Variants in SLC4A4 observed in about 807,000 individuals in gnomAD.
The protein encoded by SLC4A4 is electrogenic sodium bicarbonate cotransporter 1.
Under a neutral mutation model 111.5 loss-of-function variants are expected in SLC4A4, and 27 were observed. That is an observed-to-expected ratio of 0.24 (90% confidence interval 0.18 to 0.33). SLC4A4 has a LOEUF of 0.33. Ranked by LOEUF, SLC4A4 falls within the 10% of genes least tolerant of loss-of-function variation. The pLI, the probability that SLC4A4 is intolerant of heterozygous loss-of-function variation, is 1.00. For synonymous variants in SLC4A4, 443 were observed against 463.4 expected (o/e 0.96, Z 0.57); for missense variants, 909 against 1,315.5 (o/e 0.69, Z 4.78).
At chr4:71,363,056 A>G (rs1730939337) in intron 6 of SLC4A4, among the ~76,000 whole-genome samples, 1 of 152,130 alleles carries the variant, frequency 6.6e-6, no homozygotes, top group Admixed American at 6.5e-5. Context: ...TCCTCTGTTT[A>G]AGGTTATCTG....
chr4:71,201,005 G>C (rs1446029148), intron 1 of SLC4A4, among the ~76,000 whole-genome samples: 1 of 152,172 alleles, frequency 6.6e-6, no homozygotes, highest in East Asian at 1.9e-4. Context: ...TGACTGTCAG[G>C]GTTTCCCTGT....
At chr4:71,268,648 AT>A (rs1323205000) in intron 3 of SLC4A4, among the ~76,000 whole-genome samples, 1 of 152,190 alleles carries the variant, frequency 6.6e-6, no homozygotes, top group Non-Finnish European at 1.5e-5. Context: ...CAGGAAATGT[AT>A]TTTCTTTAAA....
At chr4:71,455,185 T>G (rs1726119808) in intron 12 of SLC4A4, among the ~76,000 whole-genome samples, 1 of 152,176 alleles carries the variant, frequency 6.6e-6, no homozygotes, top group Admixed American at 6.5e-5. Context: ...ACCAGTGATT[T>G]TTAAATATTG....
At chr4:71,350,590 A>G (rs1300041288) in intron 5 of SLC4A4, among the ~76,000 whole-genome samples, 1 of 152,128 alleles carries the variant, frequency 6.6e-6, no homozygotes, top group Non-Finnish European at 1.5e-5. Context: ...AAATCTAACT[A>G]ACAAGCTCTC....
intron 7 of SLC4A4, among the ~76,000 whole-genome samples, chr4:71,429,291 C>A (rs182811310): frequency 6.6e-5 from 10 of 152,174 alleles, no homozygotes; most frequent in African/African-American, 2.4e-4. Context: ...ATGTGTGATG[C>A]ATATTACTTG....
intron 6 of SLC4A4, among the ~76,000 whole-genome samples, chr4:71,384,546 G>C (rs970413683): frequency 1.3e-5 from 2 of 151,352 alleles, no homozygotes; most frequent in Non-Finnish European, 2.9e-5. Context: ...ATCTAGAGCA[G>C]TGAGGAGGGG....
intron 2 of SLC4A4, among the ~76,000 whole-genome samples, chr4:71,250,328 G>T (rs967320785): frequency 1.4e-4 from 21 of 152,260 alleles, no homozygotes; most frequent in Middle Eastern, 3.4e-3. Context: ...GCTGCATGTT[G>T]TAGAATCTTT....
chr4:71,097,883 G>A (rs761095313), intron 2 of SLC4A4, among the ~76,000 whole-genome samples: 4 of 151,768 alleles, frequency 2.6e-5, no homozygotes, highest in East Asian at 1.9e-4. Context: ...AGTTTTTCTC[G>A]TATATTTGTT....
At chr4:71,502,613 C>T (rs1203859628) in intron 16 of SLC4A4, among the ~76,000 whole-genome samples, 1 of 152,162 alleles carries the variant, frequency 6.6e-6, no homozygotes, top group Non-Finnish European at 1.5e-5. Flanking sequence ...TATTCAGGAG[C>T]ATAAACTTCC....
At chr4:71,550,279 G>A (rs1362864009) in intron 20 of SLC4A4, among the ~76,000 whole-genome samples, 2 of 151,930 alleles carry the variant, frequency 1.3e-5, no homozygotes, top group African/African-American at 4.8e-5. Context: ...CAGTAAGTTA[G>A]GCTATTCCTT....
Position 71,203,804 on chromosome 4 carries a change from C to T in SLC4A4, c.-2+16403C>T, listed in dbSNP as rs76946468. ...TTCATCTAAATATGTAAATGTAATG[C>T]GGTCAGGGACACCTGAATAAATGTT... On this transcript the variant is annotated intron_variant, in intron 1 of 25. Transcript: ENST00000264485. Among the ~76,000 whole-genome samples, 532 of 152,182 alleles carry T rather than the reference C, an allele frequency of 3.5e-3. 4 individuals carry two copies. The East Asian group carries it at 0.042, about 12-fold the overall frequency.
At chr4:71,521,711 A>G (rs192757113) in intron 16 of SLC4A4, among the ~76,000 whole-genome samples, 1 of 152,306 alleles carries the variant, frequency 6.6e-6, no homozygotes, top group East Asian at 1.9e-4. Context: ...TGGGGAGCCC[A>G]TAGTCGACCA....
intron 7 of SLC4A4, among the ~76,000 whole-genome samples, chr4:71,412,440 T>C (rs554034173): frequency 6.6e-6 from 1 of 152,290 alleles, no homozygotes; most frequent in East Asian, 1.9e-4. Flanking sequence ...AGATTTATTG[T>C]TTTTTGCTCC....
intron 2 of SLC4A4, among the ~76,000 whole-genome samples, chr4:71,127,087 A>G (rs1457711160): frequency 6.6e-6 from 1 of 152,244 alleles, no homozygotes; most frequent in Non-Finnish European, 1.5e-5. Context: ...TCAGACCCCA[A>G]AAATGCTTTC....
intron 7 of SLC4A4, among the ~76,000 whole-genome samples, chr4:71,408,167 G>A (rs1299322497): frequency 6.6e-6 from 1 of 152,088 alleles, no homozygotes; most frequent in Non-Finnish European, 1.5e-5. Flanking sequence ...GACATCCAGA[G>A]TATCAGCACA....
chr4:71,260,751 T>C (rs1455278206), intron 3 of SLC4A4, among the ~76,000 whole-genome samples: 1 of 152,244 alleles, frequency 6.6e-6, no homozygotes, highest in Non-Finnish European at 1.5e-5. Context: ...TCCCAGTTCA[T>C]ACCAGCAGTG....
At chr4:71,099,871 T>A (rs1291211793) in intron 2 of SLC4A4, among the ~76,000 whole-genome samples, 1 of 152,206 alleles carries the variant, frequency 6.6e-6, no homozygotes, top group African/African-American at 2.4e-5. Context: ...GATAAATTCC[T>A]GGCTACATAT....
At chr4:71,567,182 C>A in intron 25 of SLC4A4, 99 bp downstream of exon 25, 3 of 935,670 alleles carry the variant, frequency 3.2e-6, no homozygotes. Context: ...TGTTCTCCTT[C>A]GTCTCTATTA....
chr4:71,496,187 C>G (rs1425152541), intron 15 of SLC4A4, among the ~76,000 whole-genome samples: 1 of 151,950 alleles, frequency 6.6e-6, no homozygotes, highest in Non-Finnish European at 1.5e-5. Flanking sequence ...TTAAATCATC[C>G]AAGTTTCCTC....
Sources: allele counts gnomAD v4.1 joint callset (sites outside exome capture counted in the v4.1 genomes callset), GRCh38; gene constraint gnomAD v4.1.1; transcripts MANE v1.5; gene names NCBI Gene and HGNC (gene_info 2026-07-23, HGNC 2026-07-21).